The following ROBO1 variants were observed in gnomAD, a reference collection of about 807,000 sequenced individuals.
ROBO1 encodes the protein roundabout homolog 1.
In ROBO1, 149 loss-of-function variants were observed where a neutral mutation model predicts 195.9. The ratio of observed to expected loss-of-function variants is 0.76; its 90% confidence interval spans 0.67 to 0.87. The LOEUF (loss-of-function observed/expected upper bound fraction) is 0.87, where lower values mean the gene tolerates loss of function less well. Ranked by LOEUF, ROBO1 falls within the 40% of genes least tolerant of loss-of-function variation. The pLI, the probability that ROBO1 is intolerant of heterozygous loss-of-function variation, is 0.00. For missense variants in ROBO1, 1,933 were observed against 2,068.3 expected (o/e 0.93, Z 1.27); for synonymous variants, 816 against 733.2 (o/e 1.11, Z -1.82).
intron 2 of ROBO1, chr3:79,532,983 C>T: frequency 3.2e-6 from 1 of 312,640 alleles, no homozygotes; most frequent in Non-Finnish European, 6.3e-6. Flanking sequence ...TAATCATCTG[C>T]TTTAAAAAAA....
intron 4 of ROBO1, among the ~76,000 whole-genome samples, chr3:78,805,977 G>C (rs1011553592): frequency 6.6e-6 from 1 of 151,046 alleles, no homozygotes; most frequent in Non-Finnish European, 1.5e-5. Context: ...TCTTTTTTTT[G>C]AGACAGAGTC....
At chr3:78,954,387 A>G (rs972900400) in intron 3 of ROBO1, among the ~76,000 whole-genome samples, 1 of 152,114 alleles carries the variant, frequency 6.6e-6, no homozygotes, top group Non-Finnish European at 1.5e-5. Flanking sequence ...CATTAAAAAT[A>G]CAAAAATACT....
At chr3:78,646,984 A>G (rs1225913050) in intron 20 of ROBO1, among the ~76,000 whole-genome samples, 2 of 151,998 alleles carry the variant, frequency 1.3e-5, no homozygotes, top group Admixed American at 6.6e-5. Context: ...AAGTTCTGCT[A>G]CTTAGAAGAA....
At chr3:79,646,011 T>C (rs964638643) in intron 1 of ROBO1, among the ~76,000 whole-genome samples, 2 of 152,034 alleles carry the variant, frequency 1.3e-5, no homozygotes, top group Non-Finnish European at 2.9e-5. Flanking sequence ...ATCCAGGACA[T>C]TGCTCTGGGC....
intron 2 of ROBO1, among the ~76,000 whole-genome samples, chr3:79,349,479 G>A (rs940065700): frequency 6.6e-6 from 1 of 152,116 alleles, no homozygotes; most frequent in African/African-American, 2.4e-5. Flanking sequence ...TAGATAAATA[G>A]ATGATAGATA....
At chr3:79,308,726 A>T (rs2033340947) in intron 2 of ROBO1, among the ~76,000 whole-genome samples, 1 of 152,184 alleles carries the variant, frequency 6.6e-6, no homozygotes, top group South Asian at 2.1e-4. Flanking sequence ...TTGCCTCTGA[A>T]TCAATTACTA....
intron 2 of ROBO1, among the ~76,000 whole-genome samples, chr3:79,561,350 G>C (rs1225997459): frequency 2.0e-5 from 3 of 152,184 alleles, no homozygotes; most frequent in Non-Finnish European, 4.4e-5. Context: ...TACAATAAAA[G>C]TAGTCAAACC....
At chr3:79,381,361 AAAAAAAAAAAAAAAAAGAAAAGAAAAG>A (rs1339722740) in intron 2 of ROBO1, among the ~76,000 whole-genome samples, 24 of 120,042 alleles carry the variant, frequency 2.0e-4, no homozygotes, top group African/African-American at 7.1e-4. Context: ...GTCTCAAAAA[AAAAAAAAAAAAAAAAAGAAAAGAAAAG>A]AAAAGAAAAG....
At chr3:79,068,769 A>C (rs1323844560) in intron 3 of ROBO1, among the ~76,000 whole-genome samples, 1 of 151,830 alleles carries the variant, frequency 6.6e-6, no homozygotes, top group Non-Finnish European at 1.5e-5. Flanking sequence ...GCCCTTTAAA[A>C]TTTTCCAATC....
At chr3:79,002,903 A>T (rs1451688225) in intron 3 of ROBO1, among the ~76,000 whole-genome samples, 4 of 151,908 alleles carry the variant, frequency 2.6e-5, no homozygotes, top group Non-Finnish European at 5.9e-5. Flanking sequence ...AAAGGGCCTC[A>T]TTTTTCTCCA....
chr3:78,847,866 A>G (rs1310657439), intron 4 of ROBO1, among the ~76,000 whole-genome samples: 1 of 152,210 alleles, frequency 6.6e-6, no homozygotes, highest in East Asian at 1.9e-4. Context: ...AAAAGTTAAG[A>G]TAACGGAATG....
chr3:79,608,620 C>A lies in ROBO1; in HGVS notation c.-50-18659G>T, dbSNP rs555142314. 2.6e-5 allele frequency among the ~76,000 whole-genome samples: 4 copies of A among 151,968 alleles called. No individual in the cohort carries two copies. In the East Asian group the frequency reaches 7.8e-4, roughly 30 times the overall value. ...TCAAATAGACTCTGATGGATGTTTT[C>A]CTATAAAACTAACCAGATTTCTGAA... On this transcript the variant is annotated intron_variant, in intron 1 of 30. Transcript: ENST00000464233.
At chr3:79,259,861 A>G (rs192417484) in intron 2 of ROBO1, among the ~76,000 whole-genome samples, 218 of 152,272 alleles carry the variant, frequency 1.4e-3, no homozygotes, top group African/African-American at 5.0e-3. Context: ...AGACAACCAA[A>G]TAAGAGAAAA....
rs538800437 is a variant in ROBO1 at position 78,661,096 on chromosome 3, G to A, written c.2254C>T (p.Arg752Cys). ...CCTTGAAATTCATTAAAAAAAGGGC[G>A]AGCCTTAATTTCATAGTTGACTCCC... The part of the protein sequence containing the change: ...RKGVNYEIKA[R>C]PFFNEFQGAD... The change falls in exon 16 of 31, where the codon CGC becomes TGC. Residue 752 changes from arginine (R) to cysteine (C), a missense_variant. Arg to Cys is a radical substitution (Grantham distance 180, BLOSUM62 -3). Coordinates refer to ENST00000464233, the MANE Select transcript of ROBO1 (RefSeq NM_002941.4). 6.8e-6 allele frequency: 11 copies of A among 1,613,314 alleles called. No homozygotes were observed. The highest frequency in any genetic ancestry group is 5.3e-5 in the African/African-American group (4 of 74,940).
At chr3:79,029,616 A>C (rs2078258787) in intron 3 of ROBO1, among the ~76,000 whole-genome samples, 1 of 152,200 alleles carries the variant, frequency 6.6e-6, no homozygotes, top group African/African-American at 2.4e-5. Context: ...ATTTCCTAGA[A>C]TATCATTAAA....
intron 3 of ROBO1, among the ~76,000 whole-genome samples, chr3:79,009,343 T>C (rs2077719228): frequency 1.3e-5 from 2 of 152,002 alleles, no homozygotes; most frequent in East Asian, 1.9e-4. Context: ...TTTTGATTAG[T>C]GGTATAGTGT....
intron 2 of ROBO1, among the ~76,000 whole-genome samples, chr3:79,519,801 C>T (rs1941128747): frequency 6.7e-6 from 1 of 148,534 alleles, no homozygotes; most frequent in Non-Finnish European, 1.5e-5. Flanking sequence ...TCTTACAATC[C>T]TCCTCTAGGC....
At chr3:79,148,312 T>G (rs2080695549) in intron 2 of ROBO1, among the ~76,000 whole-genome samples, 1 of 151,766 alleles carries the variant, frequency 6.6e-6, no homozygotes, top group African/African-American at 2.4e-5. Context: ...ATATACAGAA[T>G]GAATATTATA....
chr3:79,280,850 T>G (rs191224606), intron 2 of ROBO1, among the ~76,000 whole-genome samples: 5 of 152,136 alleles, frequency 3.3e-5, no homozygotes, highest in Non-Finnish European at 7.3e-5. Context: ...CCTATGAGAA[T>G]CTAATGTCTC....
Sources: allele counts gnomAD v4.1 joint callset (sites outside exome capture counted in the v4.1 genomes callset), GRCh38; gene constraint gnomAD v4.1.1; transcripts MANE v1.5; gene names NCBI Gene and HGNC (gene_info 2026-07-23, HGNC 2026-07-21).